Variants in DLGAP2 observed in about 807,000 individuals in gnomAD.
DLGAP2 encodes the protein DLG associated protein 2, also known as disks large-associated protein 2.
DLGAP2 carries 26 observed loss-of-function variants against 100.3 expected under a neutral mutation model. The observed-to-expected ratio is 0.26, with a 90% confidence interval of 0.19 to 0.36. The LOEUF is 0.36. DLGAP2 is among the 10% of genes least tolerant of loss of function. The pLI, the probability that DLGAP2 is intolerant of heterozygous loss-of-function variation, is 1.00. For missense variants in DLGAP2, 1,858 were observed against 1,453.2 expected (o/e 1.28, Z -4.53); for synonymous variants, 886 against 630.1 (o/e 1.41, Z -6.08).
chr8:1,563,341 T>G (rs190578764), intron 5 of DLGAP2, among the ~76,000 whole-genome samples: 63 of 15,702 alleles, frequency 4.0e-3, no homozygotes, highest in South Asian at 0.013. Context: ...GCTGTGTGGT[T>G]TTGGGGTGTC....
chr8:1,381,582 G>A (rs757982942), intron 3 of DLGAP2, among the ~76,000 whole-genome samples: 2 of 152,114 alleles, frequency 1.3e-5, no homozygotes, highest in Non-Finnish European at 2.9e-5. Context: ...TCCCCGTTCC[G>A]CTTTCCCTGG....
intron 1 of DLGAP2, among the ~76,000 whole-genome samples, chr8:825,576 C>T (rs552689393): frequency 2.0e-5 from 3 of 152,224 alleles, no homozygotes; most frequent in Non-Finnish European, 2.9e-5. Flanking sequence ...CATCATCCCT[C>T]TCATTCCAGA....
chr8:1,067,243 T>C (rs1317130572), intron 2 of DLGAP2, among the ~76,000 whole-genome samples: 2 of 152,224 alleles, frequency 1.3e-5, no homozygotes, highest in East Asian at 3.9e-4. Context: ...CTGGGCTTCC[T>C]CCCTGTTCTT....
chr8:1,281,226 A>G (rs1449923889), intron 3 of DLGAP2, among the ~76,000 whole-genome samples: 2 of 152,260 alleles, frequency 1.3e-5, no homozygotes, highest in Non-Finnish European at 2.9e-5. Flanking sequence ...TCACAACTTC[A>G]GAATACAGAT....
At chr8:1,610,232 T>A (rs1796950867) in intron 6 of DLGAP2, among the ~76,000 whole-genome samples, 2 of 152,258 alleles carry the variant, frequency 1.3e-5, no homozygotes, top group South Asian at 2.1e-4. Flanking sequence ...GGATTAAGAA[T>A]CTCACTCAAA....
At chr8:1,414,660 C>A (rs1474516069) in intron 3 of DLGAP2, among the ~76,000 whole-genome samples, 1 of 149,928 alleles carries the variant, frequency 6.7e-6, no homozygotes, top group African/African-American at 2.5e-5. Context: ...CACGTCCAGG[C>A]GTCCTCTGCC....
chr8:1,623,024 C>A (rs537596951), intron 6 of DLGAP2, among the ~76,000 whole-genome samples: 2 of 152,294 alleles, frequency 1.3e-5, no homozygotes, highest in South Asian at 2.1e-4. Context: ...CTGTGAGGAA[C>A]CTGGCCTTCT....
intron 14 of DLGAP2, among the ~76,000 whole-genome samples, chr8:1,700,722 G>GT (rs1190406459): frequency 1.3e-5 from 2 of 152,140 alleles, no homozygotes; most frequent in African/African-American, 4.8e-5. Flanking sequence ...ACCCATTCAC[G>GT]TAAGATGGTT....
intron 3 of DLGAP2, among the ~76,000 whole-genome samples, chr8:1,445,104 A>G (rs980119899): frequency 3.4e-5 from 5 of 145,920 alleles, no homozygotes; most frequent in African/African-American, 1.0e-4. Flanking sequence ...AATTATTATT[A>G]TACTCTAAGT....
intron 8 of DLGAP2, among the ~76,000 whole-genome samples, chr8:1,638,542 A>G (rs1797822808): frequency 6.6e-6 from 1 of 152,190 alleles, no homozygotes. Flanking sequence ...GCCCGGCCGT[A>G]CTGCAGAAGA....
intron 1 of DLGAP2, among the ~76,000 whole-genome samples, chr8:891,084 G>A (rs562499317): frequency 2.8e-4 from 43 of 152,062 alleles, no homozygotes; most frequent in African/African-American, 9.9e-4. Context: ...CCCTCCCTTG[G>A]GGGGTGCTTT....
At position 982,087 on chromosome 8, in the gene DLGAP2, G is replaced by T. The variant is rs145685717; in HGVS notation, c.73+74121G>T. Among the ~76,000 whole-genome samples the T allele has an allele frequency of 3.3e-5, 5 of 152,332 alleles. No homozygotes were observed. The East Asian group carries it at 9.6e-4, about 29-fold the overall frequency. On this transcript the variant is annotated intron_variant, in intron 2 of 14. Coordinates refer to ENST00000637795, the MANE Select transcript of DLGAP2 (RefSeq NM_001346810.2). Reference sequence around the variant, plus strand: ...CCTCTGCACAGCATGGGACAGGTTAGTTAGGAATGCTCTTCAGCCTCCCAA... The same window carrying T: ...CCTCTGCACAGCATGGGACAGGTTATTTAGGAATGCTCTTCAGCCTCCCAA...
intron 5 of DLGAP2, among the ~76,000 whole-genome samples, chr8:1,552,521 T>G (rs890730334): frequency 3.3e-5 from 5 of 152,176 alleles, no homozygotes; most frequent in African/African-American, 1.2e-4. Context: ...GTCTGGCATT[T>G]TCAAAGATGC....
chr8:1,438,524 C>T (rs557497105), intron 3 of DLGAP2, among the ~76,000 whole-genome samples: 8 of 152,306 alleles, frequency 5.3e-5, no homozygotes, highest in Middle Eastern at 3.4e-3. Context: ...TGACTCACCA[C>T]TAGCTTTTGA....
chr8:958,628 G>A (rs1799651591), intron 2 of DLGAP2, among the ~76,000 whole-genome samples: 1 of 150,794 alleles, frequency 6.6e-6, no homozygotes, highest in Non-Finnish European at 1.5e-5. Context: ...TGTTAATGAT[G>A]GGAAAGACCC....
intron 1 of DLGAP2, among the ~76,000 whole-genome samples, chr8:798,140 G>C (rs7464979): frequency 0.99 from 150,289 of 152,374 alleles, 74,149 homozygotes; most frequent in Middle Eastern, 1. Context: ...TGAAAGATCT[G>C]CAAAGGGGCT....
chr8:831,207 C>CTTTTTTTT (rs59545503), intron 1 of DLGAP2, among the ~76,000 whole-genome samples: 2 of 127,666 alleles, frequency 1.6e-5, no homozygotes. Context: ...CCAGCAGTCA[C>CTTTTTTTT]TTTTTTTTTT....
intron 2 of DLGAP2, among the ~76,000 whole-genome samples, chr8:1,177,048 C>T (rs12216768): frequency 0.23 from 34,390 of 152,042 alleles, 4,063 homozygotes; most frequent in Middle Eastern, 0.37. Flanking sequence ...ATTAACACTT[C>T]AAAAAATTAT....
intron 2 of DLGAP2, among the ~76,000 whole-genome samples, chr8:918,969 C>G (rs1798651763): frequency 6.6e-6 from 1 of 152,124 alleles, no homozygotes; most frequent in Non-Finnish European, 1.5e-5. Context: ...GAAACAGGGT[C>G]TCACTGTGTT....
Sources: allele counts gnomAD v4.1 joint callset (sites outside exome capture counted in the v4.1 genomes callset), GRCh38; gene constraint gnomAD v4.1.1; transcripts MANE v1.5; gene names NCBI Gene and HGNC (gene_info 2026-07-23, HGNC 2026-07-21).